Variants in DTNA observed in about 807,000 individuals in gnomAD.
DTNA encodes the protein dystrobrevin alpha.
A neutral mutation model predicts 100.7 loss-of-function variants in DTNA; 43 were observed. That is an observed-to-expected ratio of 0.43 (90% confidence interval 0.33 to 0.55). The LOEUF (loss-of-function observed/expected upper bound fraction) is 0.55, where lower values mean the gene tolerates loss of function less well. Among genes scored for constraint, DTNA ranks in the 20% least tolerant of loss-of-function variants. The pLI is 0.04. For missense variants in DTNA, 798 were observed against 953.9 expected, an observed-to-expected ratio of 0.84 and a Z score of 2.15; for synonymous variants, 349 against 347.9, an observed-to-expected ratio of 1.00 and a Z score of -0.04.
At chr18:34,816,933 T>C (rs1432170892) in intron 7 of DTNA, among the ~76,000 whole-genome samples, 1 of 152,258 alleles carries the variant, frequency 6.6e-6, no homozygotes, top group Admixed American at 6.5e-5. Flanking sequence ...TTTATTTTAT[T>C]TTTTTGCAAT....
intron 19 of DTNA, among the ~76,000 whole-genome samples, chr18:34,878,137 T>C (rs1255217701): frequency 2.6e-5 from 4 of 152,156 alleles, no homozygotes; most frequent in Non-Finnish European, 5.9e-5. Context: ...CACGCCTGGC[T>C]AATTTTTTGT....
At chr18:34,739,916 GT>G (rs1251146312) in intron 1 of DTNA, among the ~76,000 whole-genome samples, 1 of 152,068 alleles carries the variant, frequency 6.6e-6, no homozygotes, top group East Asian at 1.9e-4. Context: ...CACCATTCTT[GT>G]TTGCCCTGAC....
At chr18:34,821,508 A>G (rs1339499177) in intron 9 of DTNA, 1 of 456,504 alleles carries the variant, frequency 2.2e-6, no homozygotes, top group Non-Finnish European at 4.4e-6. Flanking sequence ...TGTTGGGCCA[A>G]CAAACAGTCC....
chr18:34,725,467 CATTT>C (rs200856873), intron 1 of DTNA, among the ~76,000 whole-genome samples: 2,049 of 150,856 alleles, frequency 0.014, 41 homozygotes, highest in African/African-American at 0.043. Flanking sequence ...CAAAAGAAGA[CATTT>C]ATGCAGCCAG....
At chr18:34,595,038 T>C (rs2050310046) in intron 1 of DTNA, among the ~76,000 whole-genome samples, 1 of 152,262 alleles carries the variant, frequency 6.6e-6, no homozygotes, top group Non-Finnish European at 1.5e-5. Context: ...GTAATACTTA[T>C]AATTAACCCC....
Position 34,599,853 on chromosome 18 carries a change from A to G in DTNA, c.-2+106339A>G, listed in dbSNP as rs113178768. Among the ~76,000 whole-genome samples the G allele has an allele frequency of 4.7e-3, 720 of 152,092 alleles. 3 individuals carry two copies. The highest frequency in any genetic ancestry group is 0.017 in the African/African-American group (693 of 41,482). On this transcript the variant is annotated intron_variant, in intron 1 of 19. Transcript: ENST00000283365. ...CCACCACGCCTAGCTAATTTTTTGT[A>G]TTTTTAGTAGAGACAGGCTTTCATC... is the stretch of plus-strand genomic sequence containing the variant.
intron 5 of DTNA, among the ~76,000 whole-genome samples, chr18:34,810,573 G>A (rs542070918): frequency 6.6e-6 from 1 of 152,170 alleles, no homozygotes; most frequent in Admixed American, 6.5e-5. Flanking sequence ...GGAGAGGTTA[G>A]CTAATGGCTA....
At chr18:34,854,632 C>T (rs960601541) in intron 15 of DTNA, among the ~76,000 whole-genome samples, 4 of 152,162 alleles carry the variant, frequency 2.6e-5, no homozygotes, top group Admixed American at 1.3e-4. Flanking sequence ...CTATGTAGTC[C>T]GTTCATTCGG....
chr18:34,557,629 G>C (rs1412740381), intron 1 of DTNA, among the ~76,000 whole-genome samples: 2 of 151,640 alleles, frequency 1.3e-5, no homozygotes, highest in African/African-American at 2.4e-5. Flanking sequence ...ACCCTGCCGT[G>C]TGAGGTGTCA....
chr18:34,495,600 G>A (rs963751781), intron 1 of DTNA, among the ~76,000 whole-genome samples: 1 of 152,154 alleles, frequency 6.6e-6, no homozygotes, highest in Non-Finnish European at 1.5e-5. Flanking sequence ...GAGTTGGGCG[G>A]TTTTAAAAGA....
chr18:34,494,896 T>C (rs1449946877), intron 1 of DTNA, among the ~76,000 whole-genome samples: 1 of 152,190 alleles, frequency 6.6e-6, no homozygotes, highest in Non-Finnish European at 1.5e-5. Flanking sequence ...AATGGTTTTT[T>C]TTTTCTTTTG....
rs201472116 is a variant in DTNA at position 34,820,883 on chromosome 18, G to C, written c.969G>C (p.Gln323His). The change falls in exon 9 of 23, where the codon CAG (glutamine) becomes CAC (histidine). Residue 323 changes from glutamine (Q) to histidine (H), a missense_variant. Gln to His is a conservative substitution (Grantham distance 24). Coordinates refer to ENST00000444659, the MANE Select transcript of DTNA (RefSeq NM_001386795.1). Reference protein sequence around the residue: ...REPLHPMFPDQPEKPLNLAHI... With the variant: ...REPLHPMFPDHPEKPLNLAHI... ...CTTTGCACCCCATGTTCCCAGATCA[G>C]CCTGAGAAGCCACTCAACTTGGCTC... 22 of 1,614,086 alleles carry C rather than the reference G, an allele frequency of 1.4e-5. No homozygotes were observed. The East Asian group carries it at 4.5e-4, about 33-fold the overall frequency.
At chr18:34,726,337 C>G (rs1427506526) in intron 1 of DTNA, among the ~76,000 whole-genome samples, 1 of 152,164 alleles carries the variant, frequency 6.6e-6, no homozygotes, top group African/African-American at 2.4e-5. Context: ...TCATGTCTTT[C>G]TCACATTGCA....
At chr18:34,524,628 T>C (rs1453127223) in intron 1 of DTNA, among the ~76,000 whole-genome samples, 1 of 152,166 alleles carries the variant, frequency 6.6e-6, no homozygotes, top group Non-Finnish European at 1.5e-5. Context: ...ATTACTGGAT[T>C]TGGACAGAGC....
At chr18:34,729,329 C>T (rs17643198) in intron 1 of DTNA, among the ~76,000 whole-genome samples, 10,277 of 152,232 alleles carry the variant, frequency 0.068, 404 homozygotes, top group Non-Finnish European at 0.082. Context: ...CAAACCTCCC[C>T]TCTAAAATGT....
intron 1 of DTNA, among the ~76,000 whole-genome samples, chr18:34,544,540 G>T (rs2044571873): frequency 6.6e-6 from 1 of 152,006 alleles, no homozygotes. Context: ...TATAATTGTG[G>T]ACCTTCTATG....
intron 1 of DTNA, among the ~76,000 whole-genome samples, chr18:34,586,893 C>A (rs9958453): frequency 0.1 from 15,622 of 151,908 alleles, 1,165 homozygotes; most frequent in African/African-American, 0.21. Flanking sequence ...TGCTCCAATT[C>A]GAGTTGACTT....
chr18:34,547,147 T>A (rs1178446617), intron 1 of DTNA, among the ~76,000 whole-genome samples: 1 of 152,172 alleles, frequency 6.6e-6, no homozygotes, highest in Admixed American at 6.5e-5. Flanking sequence ...GAAATTTGTA[T>A]AATAATTTTT....
rs1223279832 is a variant in DTNA at position 34,875,363 on chromosome 18, GAGT to G, written c.1871_1873del (p.Val624del). The G allele has an allele frequency of 6.2e-7, 1 of 1,614,224 alleles. No homozygotes were observed. The highest frequency in any genetic ancestry group is 8.5e-7 in the Non-Finnish European group (1 of 1,180,042). ...CACACGCCGCAGGACTCCCTCACAGGAGTAGGGGGAGATGTACAAGAGGCATTT... is the reference window on the plus strand; with the variant it reads ...CACACGCCGCAGGACTCCCTCACAGGAGGGGGAGATGTACAAGAGGCATTT... On this transcript the variant is annotated inframe_deletion, in exon 18 of 23. Coordinates refer to ENST00000444659, the MANE Select transcript of DTNA (RefSeq NM_001386795.1).
Sources: gnomAD v4.1 joint callset for allele counts (sites outside exome capture counted in the v4.1 genomes callset) on GRCh38, gnomAD v4.1.1 for gene constraint, MANE v1.5 for transcripts, NCBI Gene and HGNC (gene_info 2026-07-23, HGNC 2026-07-21) for gene names.